KLHL21: variants seen among roughly 807,000 people sequenced by gnomAD.
KLHL21 encodes kelch like family member 21, also known as kelch-like protein 21.
Under a neutral mutation model 44.1 loss-of-function variants are expected in KLHL21, and 42 were observed. That is an observed-to-expected ratio of 0.95 (90% CI 0.74 to 1.23). The LOEUF (loss-of-function observed/expected upper bound fraction) is 1.23. Among genes scored for constraint, KLHL21 ranks in the 50% most tolerant of loss-of-function variants. The probability of loss-of-function intolerance (pLI) is 0.00; values close to 1 mark genes in which losing one functional copy is unlikely to be tolerated. For synonymous variants in KLHL21, 524 were observed against 411.6 expected, an observed-to-expected ratio of 1.27 and a Z score of -3.31; for missense variants, 918 against 889.1, an observed-to-expected ratio of 1.03 and a Z score of -0.41.
Position 6,601,854 on chromosome 1 carries a change from C to T in KLHL21, c.964G>A (p.Asp322Asn), listed in dbSNP as rs370358058. The stretch of plus-strand genomic sequence containing the variant: ...ATGCTGTAGCCTCCGCCCAGGTGGT[C>T]TGGGAACTCGGCCAGGTAGCGCCAC... ...GQWRYLAEFP[D>N]HLGGGYSIVA... The change falls in exon 1 of 4, where the codon GAC (aspartate) becomes AAC (asparagine). Residue 322 changes from aspartate (D) to asparagine (N), a missense_variant. Transcript: ENST00000377658. 1 of 1,581,496 alleles carries T rather than the reference C, an allele frequency of 6.3e-7. No individual in the cohort carries two copies. The highest frequency in any genetic ancestry group is 1.4e-5 in the African/African-American group (1 of 74,034).
In KLHL21 at chr1:6,591,774, C is replaced by T. The variant is rs1342041937; in HGVS notation, c.*1591G>A. Reference sequence around the variant, plus strand: ...GGAAGGAGAAGGGCAGGAAAAGGTCCAGGGCACAGGGCAAGCAACAGTGCC... The same window carrying T: ...GGAAGGAGAAGGGCAGGAAAAGGTCTAGGGCACAGGGCAAGCAACAGTGCC... On this transcript the variant is annotated 3_prime_UTR_variant, in exon 4 of 4. Transcript: ENST00000377658. 1 of 153,112 alleles carries T rather than the reference C, an allele frequency of 6.5e-6. No individual in the cohort carries two copies. The highest frequency in any genetic ancestry group is 1.5e-5 in the Non-Finnish European group (1 of 68,770). 9.5% of individuals were successfully genotyped at this position (153,112 alleles called of 1,614,324 possible).
Position 6,602,265 on chromosome 1 carries a change from G to T in KLHL21, c.553C>A (p.Leu185Met), listed in dbSNP as rs760669785. ...GGCACACACAGCCCGTCGTCCCGCA[G>T]GTAGCGCAGCAGGCGCGCCAGTGGC... The part of the protein sequence containing the change: ...RLPLARLLRY[L>M]RDDGLCVPKE... The change falls in exon 1 of 4, where the codon CTG becomes ATG. Residue 185 changes from leucine (L) to methionine (M), a missense_variant. Transcript: ENST00000377658. The T allele has an allele frequency of 3.7e-5, 58 of 1,552,188 alleles. No homozygotes were observed. The highest frequency in any genetic ancestry group is 4.8e-5 in the Non-Finnish European group (56 of 1,156,330).
At position 6,601,951 on chromosome 1, in the gene KLHL21, C is replaced by A. The variant is rs1325149449; in HGVS notation, c.867G>T (p.Val289=). Residue 289 remains valine, a synonymous_variant, in exon 1 of 4, where the codon GTG becomes GTT. Transcript: ENST00000377658. ...RPSTGLAEIL[V]LVGGCDQDCD... Reference sequence around the variant, plus strand: ...AGTCCTGGTCGCAGCCGCCCACGAGCACGAGGATCTCGGCGAGACCGGTGG... The same window carrying A: ...AGTCCTGGTCGCAGCCGCCCACGAGAACGAGGATCTCGGCGAGACCGGTGG... The A allele has an allele frequency of 3.2e-6, 5 of 1,560,016 alleles. No homozygotes were observed. The South Asian group carries it at 5.9e-5, about 18-fold the overall frequency.
chr1:6,595,209 G>A, intron 3 of KLHL21: 1 of 601,960 alleles, frequency 1.7e-6, no homozygotes, highest in African/African-American at 1.9e-5. Flanking sequence ...ATGACTGTAT[G>A]CCTTGCTCCC....
intron 1 of KLHL21, chr1:6,599,953 C>T (rs1041890787): frequency 1.3e-5 from 2 of 155,136 alleles, no homozygotes; most frequent in African/African-American, 4.8e-5. Context: ...GGCCACTTCT[C>T]GATTCTGGTG....
At position 6,602,818 on chromosome 1, in the gene KLHL21, G is replaced by A; in HGVS notation, c.-1C>T. 1 of 1,437,690 alleles carries A rather than the reference G, an allele frequency of 7.0e-7. No homozygotes were observed. Among genetic ancestry groups the A allele is most frequent in the Non-Finnish European group, 9.0e-7 (1 of 1,106,402 alleles). The allele number at this position is 1,437,690 out of a possible 1,614,324, so 89.1% of individuals were successfully genotyped here. A position where few individuals can be genotyped will look rare whatever the true frequency, so the allele number is the denominator to read the frequency against. On this transcript the variant is annotated 5_prime_UTR_variant, in exon 1 of 4. Coordinates refer to ENST00000377658, the MANE Select transcript of KLHL21 (RefSeq NM_014851.4). ...CGGCCAGGGGCGCCGGTCGCTCCATGGCGCCTTCGATAGGTTGTCGAGGAC... is the reference window on the plus strand; with the variant it reads ...CGGCCAGGGGCGCCGGTCGCTCCATAGCGCCTTCGATAGGTTGTCGAGGAC...
Position 6,599,406 on chromosome 1 carries a change from G to A in KLHL21, c.1068C>T (p.Asn356=), listed in dbSNP as rs751230069. Residue 356 remains asparagine (N), a synonymous_variant, in exon 2 of 4, where the codon AAC becomes AAT. Coordinates refer to ENST00000377658, the MANE Select transcript of KLHL21 (RefSeq NM_014851.4). ...CCTCCGCCCACTCATTCACGCTTGAGTTGTACCTCCACACGCAGTCATAGA... is the reference window on the plus strand; with the variant it reads ...CCTCCGCCCACTCATTCACGCTTGAATTGTACCTCCACACGCAGTCATAGA... ...SRLYDCVWRY[N]SSVNEWAEVA... 1.2e-6 allele frequency: 2 copies of A among 1,613,228 alleles called. No individual in the cohort carries two copies. Among genetic ancestry groups the A allele is most frequent in the Admixed American group, 3.3e-5 (2 of 59,984 alleles).
chr1:6,597,226 G>A (rs900711284), intron 2 of KLHL21, among the ~76,000 whole-genome samples: 2 of 152,190 alleles, frequency 1.3e-5, no homozygotes, highest in East Asian at 3.8e-4. Flanking sequence ...CAGTGGGTGG[G>A]GGTGGCGGGG....
chr1:6,602,258 T>C lies in KLHL21; in HGVS notation c.560A>G (p.Asp187Gly). The C allele has an allele frequency of 6.5e-7, 1 of 1,549,410 alleles. No individual in the cohort carries two copies. The highest frequency in any genetic ancestry group is 1.2e-5 in the South Asian group (1 of 85,218). Residue 187 changes from aspartate to glycine, a missense_variant, in exon 1 of 4, where the codon GAC (aspartate) becomes GGC (glycine). Coordinates refer to ENST00000377658, the MANE Select transcript of KLHL21 (RefSeq NM_014851.4). The stretch of plus-strand genomic sequence containing the variant: ...CTCCTTGGGCACACACAGCCCGTCG[T>C]CCCGCAGGTAGCGCAGCAGGCGCGC... The part of the protein sequence containing the change: ...PLARLLRYLR[D>G]DGLCVPKEEA...
Position 6,602,635 on chromosome 1 carries a change from G to A in KLHL21, c.183C>T (p.Phe61=), listed in dbSNP as rs1338677512. The A allele has an allele frequency of 5.3e-6, 8 of 1,518,308 alleles. No individual in the cohort carries two copies. The highest frequency in any genetic ancestry group is 2.5e-5 in the East Asian group (1 of 39,756). The allele number at this position is 1,518,308 out of a possible 1,614,324, so 94.1% of individuals were successfully genotyped here. ...RAVLAAASPY[F]RAMFAGQLRE... ...GCAGCTGCCCCGCGAACATGGCGCGGAAGTAGGGGCTGGCGGCGGCCAGCA... is the reference window on the plus strand; with the variant it reads ...GCAGCTGCCCCGCGAACATGGCGCGAAAGTAGGGGCTGGCGGCGGCCAGCA... The change falls in exon 1 of 4, where the codon TTC becomes TTT. Residue 61 remains phenylalanine (F), a synonymous_variant. Coordinates refer to ENST00000377658, the MANE Select transcript of KLHL21 (RefSeq NM_014851.4).
chr1:6,593,043 G>A lies in KLHL21; in HGVS notation c.*322C>T, dbSNP rs987899797. The A allele has an allele frequency of 1.5e-5, 5 of 342,752 alleles. No individual in the cohort carries two copies. The highest frequency in any genetic ancestry group is 6.1e-5 in the African/African-American group (3 of 49,200). The allele number at this position is 342,752 out of a possible 1,614,324, so 21.2% of individuals were successfully genotyped here. ...TCTCCCAAGGTGGGAACAAGTAGGT[G>A]CAGATGACAACGGCAGGAGGGGTGT... On this transcript the variant is annotated 3_prime_UTR_variant, in exon 4 of 4. Coordinates refer to ENST00000377658, the MANE Select transcript of KLHL21 (RefSeq NM_014851.4).
intron 2 of KLHL21, 85 bp from the exon 3 acceptor site, chr1:6,595,642 G>T: frequency 8.9e-7 from 1 of 1,118,130 alleles, no homozygotes; most frequent in Non-Finnish European, 1.3e-6. Flanking sequence ...CCTCCCCTGG[G>T]TCACTGACTC....
chr1:6,602,036 TG>T lies in KLHL21; in HGVS notation c.781del (p.Gln261ArgfsTer79), dbSNP rs1006734141. The T allele has an allele frequency of 5.2e-6, 8 of 1,527,806 alleles. No individual in the cohort carries two copies. The highest frequency in any genetic ancestry group is 6.2e-6 in the Non-Finnish European group (7 of 1,135,906). 94.6% of individuals were successfully genotyped at this position (1,527,806 alleles called of 1,614,324 possible). On this transcript the variant is annotated frameshift_variant, in exon 1 of 4. Transcript: ENST00000377658. LOFTEE classifies it high-confidence loss of function. ...LRLLREARDF[Q>X]AARYDRHDRG... ...GTCGTGGCGGTCGTAGCGCGCCGCC[TG>T]GAAGTCGCGCGCCTCGCGCAGCAGG... is the stretch of plus-strand genomic sequence containing the variant.
At position 6,602,574 on chromosome 1, in the gene KLHL21, C is replaced by T. The variant is rs1305240395; in HGVS notation, c.244G>A (p.Val82Met). 3.3e-6 allele frequency: 5 copies of T among 1,534,922 alleles called. No individual in the cohort carries two copies. Among genetic ancestry groups the T allele is most frequent in the Non-Finnish European group, 4.4e-6 (5 of 1,145,780 alleles). The change falls in exon 1 of 4, where the codon GTG becomes ATG. Residue 82 changes from valine (V) to methionine (M), a missense_variant. Val to Met is a conservative substitution (Grantham distance 21). Coordinates refer to ENST00000377658, the MANE Select transcript of KLHL21 (RefSeq NM_014851.4). Reference protein sequence around the residue: ...SRAERVRLHGVPPDMLQLLLD... With the variant: ...SRAERVRLHGMPPDMLQLLLD... Reference sequence around the variant, plus strand: ...AGCAGCTGCAGCATGTCGGGAGGCACTCCGTGCAGGCGCACCCGCTCGGCG... The same window carrying T: ...AGCAGCTGCAGCATGTCGGGAGGCATTCCGTGCAGGCGCACCCGCTCGGCG...
In KLHL21 at chr1:6,599,160, C is replaced by T; in HGVS notation, c.1314G>A (p.Met438Ile). 1.2e-6 allele frequency: 2 copies of T among 1,614,084 alleles called. No homozygotes were observed. The highest frequency in any genetic ancestry group is 1.6e-4 in the Middle Eastern group (1 of 6,062). ...GSLAGKETMV[M>I]QCYDPDTDLW... is the part of the protein sequence containing the mutation. ...GGTCGGTGTCCGGGTCGTAGCACTG[C>T]ATCACCATGGTCTCCTTGCCAGCCA... The change falls in exon 2 of 4, where the codon ATG (methionine) becomes ATA (isoleucine). Residue 438 changes from methionine to isoleucine, a missense_variant. Met to Ile is a conservative substitution (Grantham distance 10). Coordinates refer to ENST00000377658, the MANE Select transcript of KLHL21 (RefSeq NM_014851.4).
chr1:6,593,361 G>A lies in KLHL21; in HGVS notation c.*4C>T, dbSNP rs1640879058. 3 of 1,573,708 alleles carry A rather than the reference G, an allele frequency of 1.9e-6. No homozygotes were observed. The highest frequency in any genetic ancestry group is 2.6e-6 in the Non-Finnish European group (3 of 1,159,906). The stretch of plus-strand genomic sequence containing the variant: ...ACCGAGGCCCGTGCCGGGCCAGACT[G>A]GGGCTAGTGCAGCTCATCGGGGTCC... On this transcript the variant is annotated 3_prime_UTR_variant, in exon 4 of 4. Transcript: ENST00000377658.
At chr1:6,600,681 TGGAAGGGTGTG>T (rs910660654) in intron 1 of KLHL21, among the ~76,000 whole-genome samples, 1 of 152,228 alleles carries the variant, frequency 6.6e-6, no homozygotes, top group African/African-American at 2.4e-5. Context: ...GGGACATTTA[TGGAAGGGTGTG>T]CAGAAAGCTG....
chr1:6,595,598 G>A, intron 2 of KLHL21, 41 bp from the exon 3 acceptor site: 1 of 1,564,956 alleles, frequency 6.4e-7, no homozygotes. Flanking sequence ...TCAGAGCGAG[G>A]AGGAAGTGCA....
chr1:6,598,241 C>T (rs527866360), intron 2 of KLHL21, among the ~76,000 whole-genome samples: 2 of 152,254 alleles, frequency 1.3e-5, no homozygotes, highest in African/African-American at 4.8e-5. Flanking sequence ...TTGAGACCAG[C>T]CGGGGCAATA....
Sources: allele counts gnomAD v4.1 joint callset (sites outside exome capture counted in the v4.1 genomes callset), GRCh38; gene constraint gnomAD v4.1.1; transcripts MANE v1.5; gene names NCBI Gene and HGNC (gene_info 2026-07-23, HGNC 2026-07-21).